Variants in REPS1 observed in about 807,000 individuals in gnomAD.
REPS1 encodes the protein ralBP1-associated Eps domain-containing protein 1.
In REPS1, 39 loss-of-function variants were observed where a neutral mutation model predicts 100.9. That is an observed-to-expected ratio of 0.39 (90% CI 0.30 to 0.50). REPS1 has a LOEUF of 0.50. Ranked by LOEUF, REPS1 falls within the 20% of genes least tolerant of loss-of-function variation. The pLI, the probability that REPS1 is intolerant of heterozygous loss-of-function variation, is 0.86. For missense variants in REPS1, 821 were observed against 968.5 expected, an observed-to-expected ratio of 0.85 and a Z score of 2.02; for synonymous variants, 324 against 340.3, an observed-to-expected ratio of 0.95 and a Z score of 0.53.
chr6:138,986,713 G>A (rs953852362), intron 1 of REPS1, among the ~76,000 whole-genome samples: 7 of 152,164 alleles, frequency 4.6e-5, no homozygotes, highest in Non-Finnish European at 8.8e-5. Context: ...TCATTAAACA[G>A]AGTAGCATTA....
chr6:138,951,252 C>T (rs1783016963), intron 1 of REPS1: 1 of 151,872 alleles, frequency 6.6e-6, no homozygotes, highest in Non-Finnish European at 1.5e-5. Flanking sequence ...TTCTAATAAT[C>T]TTGTTTTGGG....
intron 1 of REPS1, among the ~76,000 whole-genome samples, chr6:138,955,457 AGTGTGTGTG>A (rs1446865030): frequency 3.3e-5 from 3 of 90,734 alleles, no homozygotes; most frequent in South Asian, 5.6e-4. Flanking sequence ...AAAAAAAAAA[AGTGTGTGTG>A]TGTGTGTGTG....
chr6:138,913,714 C>T (rs1780170230), intron 15 of REPS1, among the ~76,000 whole-genome samples: 1 of 152,182 alleles, frequency 6.6e-6, no homozygotes, highest in South Asian at 2.1e-4. Flanking sequence ...ATATGGACAG[C>T]TTCATTTCTC....
At chr6:138,942,153 C>T (rs1201018017) in intron 7 of REPS1, among the ~76,000 whole-genome samples, 1 of 152,104 alleles carries the variant, frequency 6.6e-6, no homozygotes, top group Non-Finnish European at 1.5e-5. Context: ...CTGACATGTA[C>T]GTACTTTAAA....
chr6:138,971,815 C>T (rs1784360644), intron 1 of REPS1, among the ~76,000 whole-genome samples: 1 of 152,202 alleles, frequency 6.6e-6, no homozygotes, highest in Admixed American at 6.5e-5. Context: ...AGCTTCACCA[C>T]CCCCACTTTT....
intron 9 of REPS1, chr6:138,927,079 T>C (rs1161476583): frequency 1.3e-5 from 2 of 152,268 alleles, no homozygotes; most frequent in African/African-American, 2.4e-5. Context: ...TATGTCAATC[T>C]GTAGCAAGTC....
chr6:138,968,648 T>C (rs1784145118), intron 1 of REPS1, among the ~76,000 whole-genome samples: 1 of 152,208 alleles, frequency 6.6e-6, no homozygotes, highest in South Asian at 2.1e-4. Context: ...GTTAAACTTA[T>C]TTTAAAAGAA....
At chr6:138,913,311 A>G (rs1175391289) in intron 15 of REPS1, among the ~76,000 whole-genome samples, 2 of 152,088 alleles carry the variant, frequency 1.3e-5, no homozygotes, top group African/African-American at 4.8e-5. Context: ...TCTTCCTTAA[A>G]TAAGTTATTT....
Position 138,907,281 on chromosome 6 carries a change from C to T in REPS1, c.2322+214G>A, listed in dbSNP as rs146238613. On this transcript the variant is annotated intron_variant, in intron 19 of 19. Coordinates refer to ENST00000450536, the MANE Select transcript of REPS1 (RefSeq NM_001286611.2). The stretch of plus-strand genomic sequence containing the variant: ...AGCCCAGGTTGCCAGGGTGATAGAG[C>T]GAGATCGTGTCTCTTTAAAAAAAAA... 19 of 330,946 alleles carry T rather than the reference C, an allele frequency of 5.7e-5. No individual in the cohort carries two copies. The Admixed American group carries it at 9.2e-4, about 16-fold the overall frequency. The allele number at this position is 330,946 out of a possible 1,614,324, so 20.5% of individuals were successfully genotyped here.
Position 138,945,683 on chromosome 6 carries a change from G to A in REPS1, c.292C>T (p.Leu98=), listed in dbSNP as rs1355776486. ...ESINTVKDLP[L]PRFVASKNEQ... ...TTCTTTGAAGCAACAAATCTTGGCA[G>A]AGGAAGGTCCTTTACTGTTAACCAC... Residue 98 remains leucine, a synonymous_variant, in exon 3 of 20, where the codon CTG becomes TTG. Coordinates refer to ENST00000450536, the MANE Select transcript of REPS1 (RefSeq NM_001286611.2). 3 of 1,603,818 alleles carry A rather than the reference G, an allele frequency of 1.9e-6. No homozygotes were observed. The highest frequency in any genetic ancestry group is 1.7e-5 in the Admixed American group (1 of 57,980).
In REPS1 at chr6:138,904,870, C is replaced by A; in HGVS notation, c.*194G>T. 2.1e-6 allele frequency: 1 copy of A among 471,436 alleles called. No individual in the cohort carries two copies. The highest frequency in any genetic ancestry group is 3.8e-6 in the Non-Finnish European group (1 of 260,106). The allele number at this position is 471,436 out of a possible 1,614,324, so 29.2% of individuals were successfully genotyped here. ...CAAACACAATCTACCCTCCAGAAAA[C>A]GCCATCCTGACCTTTTTATTGTCGA... On this transcript the variant is annotated 3_prime_UTR_variant, in exon 20 of 20. Coordinates refer to ENST00000450536, the MANE Select transcript of REPS1 (RefSeq NM_001286611.2).
At chr6:138,920,894 A>G in intron 11 of REPS1, 143 bp downstream of exon 11, 1 of 597,068 alleles carries the variant, frequency 1.7e-6, no homozygotes, top group Non-Finnish European at 2.9e-6. Context: ...AGCAACATAA[A>G]TAAATATGCA....
intron 1 of REPS1, among the ~76,000 whole-genome samples, chr6:138,949,495 G>A (rs1405179836): frequency 1.3e-5 from 2 of 152,174 alleles, no homozygotes; most frequent in Non-Finnish European, 2.9e-5. Context: ...GGGAGGCCAA[G>A]GAGGGCAGAT....
chr6:138,918,690 A>T (rs1475816172), intron 12 of REPS1, among the ~76,000 whole-genome samples: 1 of 152,230 alleles, frequency 6.6e-6, no homozygotes, highest in African/African-American at 2.4e-5. Flanking sequence ...TGTGAAAATT[A>T]AAAATTTGAC....
At chr6:138,955,502 A>G (rs1783330152) in intron 1 of REPS1, among the ~76,000 whole-genome samples, 1 of 132,450 alleles carries the variant, frequency 7.6e-6, no homozygotes, top group Non-Finnish European at 1.6e-5. Flanking sequence ...ATAACAGTCA[A>G]GTACTAAAAA....
chr6:138,958,365 T>G (rs1403706499), intron 1 of REPS1, among the ~76,000 whole-genome samples: 1 of 152,180 alleles, frequency 6.6e-6, no homozygotes, highest in Admixed American at 6.5e-5. Context: ...TGAGCAGAAA[T>G]TATTTTTATG....
At chr6:138,908,603 TTAC>T (rs1779811581) in intron 18 of REPS1, 62 bp downstream of exon 18, 1 of 1,576,562 alleles carries the variant, frequency 6.3e-7, no homozygotes. Context: ...GCCAGTTTGA[TTAC>T]TTTTAATTGT....
chr6:138,914,840 G>A (rs2128435128), intron 14 of REPS1, 79 bp from the exon 15 acceptor site: 2 of 1,151,832 alleles, frequency 1.7e-6, no homozygotes, highest in East Asian at 4.7e-5. Flanking sequence ...GAATGAATGT[G>A]ACTACATGAT....
chr6:138,946,055 T>G (rs767100591), intron 2 of REPS1, among the ~76,000 whole-genome samples: 3 of 152,194 alleles, frequency 2.0e-5, no homozygotes, highest in Non-Finnish European at 4.4e-5. Context: ...GGCTCCATGA[T>G]GCCAAGGTCA....
Sources: allele counts gnomAD v4.1 joint callset (sites outside exome capture counted in the v4.1 genomes callset), GRCh38; gene constraint gnomAD v4.1.1; transcripts MANE v1.5; gene names NCBI Gene and HGNC (gene_info 2026-07-23, HGNC 2026-07-21).